Variants in SHLD1 observed in about 807,000 individuals in gnomAD.
The protein encoded by SHLD1 is RINN1-REV7-interacting novel NHEJ regulator 3.
SHLD1 carries 3 observed loss-of-function variants against 5.5 expected under a neutral mutation model. The observed-to-expected ratio is 0.54, with a 90% confidence interval of 0.25 to 1.40. The LOEUF is 1.40. Among genes scored for constraint, SHLD1 ranks in the 40% most tolerant of loss-of-function variants. SHLD1 has a pLI of 0.15. For missense variants in SHLD1, 210 were observed against 244.4 expected (o/e 0.86, Z 0.94); for synonymous variants, 92 against 94.3 (o/e 0.98, Z 0.14).
chr20:5,814,248 G>A (rs1276263698), intron 2 of SHLD1, among the ~76,000 whole-genome samples: 3 of 151,848 alleles, frequency 2.0e-5, no homozygotes, highest in Non-Finnish European at 4.4e-5. Context: ...GAGCCACCGC[G>A]CCCGACCCCT....
intron 2 of SHLD1, among the ~76,000 whole-genome samples, chr20:5,774,218 AAAAC>A (rs1470772312): frequency 2.0e-5 from 3 of 152,166 alleles, no homozygotes; most frequent in Admixed American, 1.3e-4. Context: ...CAAAAAACAA[AAAAC>A]AAACAACAAC....
intron 2 of SHLD1, among the ~76,000 whole-genome samples, chr20:5,830,548 C>T (rs753280650): frequency 6.6e-6 from 1 of 151,972 alleles, no homozygotes; most frequent in Non-Finnish European, 1.5e-5. Context: ...ATTAGCCAGG[C>T]GTAGTGGCAC....
At chr20:5,856,546 A>G (rs2088087862) in intron 2 of SHLD1, among the ~76,000 whole-genome samples, 1 of 152,228 alleles carries the variant, frequency 6.6e-6, no homozygotes, top group Admixed American at 6.5e-5. Context: ...TCCATGGCCC[A>G]TGGCCCCTCA....
chr20:5,792,850 T>A (rs940931352), intron 2 of SHLD1, among the ~76,000 whole-genome samples: 6 of 151,802 alleles, frequency 4.0e-5, no homozygotes, highest in Admixed American at 3.9e-4. Context: ...ATTTTTTGTA[T>A]TTTTAGTAGA....
intron 2 of SHLD1, among the ~76,000 whole-genome samples, chr20:5,814,462 A>C (rs1391345317): frequency 6.6e-6 from 1 of 152,068 alleles, no homozygotes; most frequent in Non-Finnish European, 1.5e-5. Flanking sequence ...TTTTTTGTTA[A>C]ATGTTCTAGA....
chr20:5,770,623 TC>T (rs1226197797), intron 1 of SHLD1, among the ~76,000 whole-genome samples: 1 of 152,220 alleles, frequency 6.6e-6, no homozygotes, highest in East Asian at 1.9e-4. Context: ...CATCAGTCCT[TC>T]CAGCAGGCAT....
In SHLD1 at chr20:5,772,767, A is replaced by T. The variant is rs549844302; in HGVS notation, c.-4-95A>T. ...TCTCTACAAAAATAAAAATAAAAAT[A>T]AAAAACAAATAAAATTCTTCAAGCT... On this transcript the variant is annotated intron_variant, in intron 1 of 2. Coordinates refer to ENST00000303142, the MANE Select transcript of SHLD1 (RefSeq NM_152504.4). 3 of 1,217,602 alleles carry T rather than the reference A, an allele frequency of 2.5e-6. No individual in the cohort carries two copies. In the Admixed American group the frequency reaches 8.3e-5, roughly 34 times the overall value. 75.4% of individuals were successfully genotyped at this position (1,217,602 alleles called of 1,614,324 possible). A position where few individuals can be genotyped will look rare whatever the true frequency, so the allele number is the denominator to read the frequency against.
intron 2 of SHLD1, among the ~76,000 whole-genome samples, chr20:5,857,317 C>G (rs1341805930): frequency 6.6e-6 from 1 of 152,066 alleles, no homozygotes; most frequent in African/African-American, 2.4e-5. Flanking sequence ...TAAAAGGGGA[C>G]CCATGACTAT....
At chr20:5,780,234 C>T (rs1193635570) in intron 2 of SHLD1, among the ~76,000 whole-genome samples, 8 of 152,162 alleles carry the variant, frequency 5.3e-5, no homozygotes. Flanking sequence ...CCACCTCAGC[C>T]TCCCAAAGTG....
intron 2 of SHLD1, among the ~76,000 whole-genome samples, chr20:5,851,321 A>G (rs1000889872): frequency 6.6e-6 from 1 of 152,128 alleles, no homozygotes; most frequent in Non-Finnish European, 1.5e-5. Context: ...CCCCATCTCT[A>G]CAAAAAATTT....
chr20:5,762,200 C>T lies in SHLD1; in HGVS notation c.-4-10662C>T, dbSNP rs867027374. Among the ~76,000 whole-genome samples the T allele has an allele frequency of 6.6e-5, 10 of 150,928 alleles. No homozygotes were observed. The South Asian group carries it at 8.4e-4, about 13-fold the overall frequency. On this transcript the variant is annotated intron_variant, in intron 1 of 2. Coordinates refer to ENST00000303142, the MANE Select transcript of SHLD1 (RefSeq NM_152504.4). Reference sequence around the variant, plus strand: ...CTGGGAGGCAGAGGTTGCAGTGAGCCGAGATTGCACAACAGCCTGGGTGAC... The same window carrying T: ...CTGGGAGGCAGAGGTTGCAGTGAGCTGAGATTGCACAACAGCCTGGGTGAC...
intron 2 of SHLD1, among the ~76,000 whole-genome samples, chr20:5,817,432 C>CTCTGTG (rs1473391202): frequency 2.7e-3 from 232 of 85,656 alleles, no homozygotes; most frequent in Middle Eastern, 6.9e-3. Flanking sequence ...CTCTCTCTCT[C>CTCTGTG]TGTGTGTGTG....
At chr20:5,835,912 T>G (rs1269656968) in intron 2 of SHLD1, among the ~76,000 whole-genome samples, 1 of 152,210 alleles carries the variant, frequency 6.6e-6, no homozygotes, top group East Asian at 1.9e-4. Flanking sequence ...CCTAAGGGGC[T>G]TTATGCTAGC....
intron 2 of SHLD1, among the ~76,000 whole-genome samples, chr20:5,835,063 A>G (rs571322828): frequency 3.9e-5 from 6 of 152,292 alleles, no homozygotes; most frequent in African/African-American, 1.4e-4. Flanking sequence ...TCTCAAACTT[A>G]TTAGAAAATG....
rs546384183 is a variant in SHLD1, at chr20:5,792,867, G to A, written c.178+19824G>A. Among the ~76,000 whole-genome samples the A allele has an allele frequency of 2.0e-5, 3 of 151,730 alleles. No homozygotes were observed. The South Asian group carries it at 6.2e-4, about 32-fold the overall frequency. The stretch of plus-strand genomic sequence containing the variant: ...TTTTTGTATTTTTAGTAGAGACGGG[G>A]TTTCATCATGTTGGCCAGGCTGGTC... On this transcript the variant is annotated intron_variant, in intron 2 of 2. Transcript: ENST00000303142.
At chr20:5,799,534 A>AAT (rs1390974069) in intron 2 of SHLD1, among the ~76,000 whole-genome samples, 3 of 143,888 alleles carry the variant, frequency 2.1e-5, no homozygotes, top group Non-Finnish European at 4.5e-5. Context: ...GCTGGTCTCA[A>AAT]AACTCCTGAG....
intron 2 of SHLD1, among the ~76,000 whole-genome samples, chr20:5,827,822 A>G (rs369619214): frequency 1.3e-5 from 2 of 152,316 alleles, no homozygotes; most frequent in African/African-American, 4.8e-5. Flanking sequence ...TGCGTACTTC[A>G]CTAGGGTGCA....
chr20:5,776,794 T>TA lies in SHLD1; in HGVS notation c.178+3760dup, dbSNP rs200170425. On this transcript the variant is annotated intron_variant, in intron 2 of 2. Transcript: ENST00000303142. ...AATAATAATAATAAATAAGTAAGCA[T>TA]AAAAAAAAAGCATTCACATTGGTTT... Among the ~76,000 whole-genome samples the TA allele has an allele frequency of 2.9e-4, 43 of 150,112 alleles. No individual in the cohort carries two copies. In the East Asian group the frequency reaches 7.4e-3, roughly 26 times the overall value.
At chr20:5,793,442 G>A (rs1034826126) in intron 2 of SHLD1, among the ~76,000 whole-genome samples, 11 of 152,146 alleles carry the variant, frequency 7.2e-5, no homozygotes, top group Admixed American at 1.3e-4. Flanking sequence ...AGTGGCTCAC[G>A]TTGTGGGTTT....
Sources: gnomAD v4.1 joint callset for allele counts (sites outside exome capture counted in the v4.1 genomes callset) on GRCh38, gnomAD v4.1.1 for gene constraint, MANE v1.5 for transcripts, NCBI Gene and HGNC (gene_info 2026-07-23, HGNC 2026-07-21) for gene names.